Variants in ZNF536 observed in about 807,000 individuals in gnomAD.
ZNF536 encodes zinc finger protein 536.
In ZNF536, 13 loss-of-function variants were observed where a neutral mutation model predicts 84.5. The observed-to-expected ratio is 0.15, with a 90% CI of 0.10 to 0.24. The LOEUF is 0.24. Among genes scored for constraint, ZNF536 ranks in the 10% least tolerant of loss-of-function variants. The pLI is 1.00. For synonymous variants in ZNF536, 811 were observed against 742.5 expected, an observed-to-expected ratio of 1.09 and a Z score of -1.50; for missense variants, 1,536 against 1,747.5, an observed-to-expected ratio of 0.88 and a Z score of 2.16.
At chr19:30,328,521 T>C (rs569873175) in intron 2 of ZNF536, among the ~76,000 whole-genome samples, 1 of 152,312 alleles carries the variant, frequency 6.6e-6, no homozygotes, top group East Asian at 1.9e-4. Flanking sequence ...CTCTTAATAA[T>C]TGCGTATTCA....
chr19:30,374,732 G>A (rs1185884135), intron 1 of ZNF536, among the ~76,000 whole-genome samples: 1 of 151,480 alleles, frequency 6.6e-6, no homozygotes, highest in African/African-American at 2.4e-5. Context: ...GACCGTCTCT[G>A]CCCTCTCTCC....
upstream of ZNF536, among the ~76,000 whole-genome samples, chr19:30,226,872 C>T (rs559232970): frequency 6.6e-6 from 1 of 151,904 alleles, no homozygotes; most frequent in Non-Finnish European, 1.5e-5. The surrounding 1 kb of genome is among the most constrained non-coding windows in gnomAD (Gnocchi z 4.6). Flanking sequence ...AGATGCATGA[C>T]TGGGGTAGGA....
intron 1 of ZNF536, among the ~76,000 whole-genome samples, chr19:30,658,026 C>G (rs990399710): frequency 2.6e-5 from 4 of 151,572 alleles, no homozygotes; most frequent in East Asian, 1.9e-4. Context: ...ATTCCCCCCC[C>G]CCTTTTTTTT....
At chr19:30,531,468 G>A (rs2044816459) in intron 2 of ZNF536, among the ~76,000 whole-genome samples, 2 of 151,472 alleles carry the variant, frequency 1.3e-5, no homozygotes, top group South Asian at 4.2e-4. Flanking sequence ...TGAAGATTCA[G>A]GGGGTACATG....
intron 2 of ZNF536, among the ~76,000 whole-genome samples, chr19:30,477,701 G>T (rs1434370131): frequency 6.6e-6 from 1 of 152,212 alleles, no homozygotes; most frequent in East Asian, 1.9e-4. Context: ...ACTGTGCTTT[G>T]CTGAAGACAG....
intron 1 of ZNF536, among the ~76,000 whole-genome samples, chr19:30,704,580 G>C (rs186681129): frequency 1.3e-5 from 2 of 148,522 alleles, no homozygotes; most frequent in African/African-American, 5.0e-5. Context: ...CCGGGAGGCA[G>C]AGGTTGCAGT....
At position 30,411,324 on chromosome 19, in the gene ZNF536, G is replaced by GT. The variant is rs541797377; in HGVS notation, c.-2-32228dup. 5.8e-3 allele frequency among the ~76,000 whole-genome samples: 878 copies of GT among 150,828 alleles called. 12 individuals carry two copies. Among genetic ancestry groups the GT allele is most frequent in the African/African-American group, 0.02 (834 of 41,216 alleles). On this transcript the variant is annotated intron_variant, in intron 1 of 4. Transcript: ENST00000355537. ...CAATATATACAAATAAAGCTTTTTA[G>GT]TTTTTTTTTGCAATCTGATGCACCA... is the stretch of plus-strand genomic sequence containing the variant.
intron 2 of ZNF536, among the ~76,000 whole-genome samples, chr19:30,339,042 CGTAG>C (rs1673216784): frequency 6.6e-6 from 1 of 152,144 alleles, no homozygotes; most frequent in South Asian, 2.1e-4. Context: ...TGTAAAGTTC[CGTAG>C]CTAAGTAACC....
At chr19:30,473,564 T>C (rs2053727598) in intron 2 of ZNF536, among the ~76,000 whole-genome samples, 1 of 152,222 alleles carries the variant, frequency 6.6e-6, no homozygotes, top group Non-Finnish European at 1.5e-5. Context: ...GTTGCATGTA[T>C]TCTGTGTCAT....
At chr19:30,564,467 T>G (rs937851057) in intron 1 of ZNF536, among the ~76,000 whole-genome samples, 2 of 151,978 alleles carry the variant, frequency 1.3e-5, no homozygotes, top group African/African-American at 4.8e-5. Flanking sequence ...GCAGGGAACC[T>G]TTTCCGAAGC....
At position 30,264,968 on chromosome 19, in the gene ZNF536, A is replaced by T. The variant is rs4992903; in HGVS notation, c.-189-19104A>T. 5.4e-3 allele frequency among the ~76,000 whole-genome samples: 403 copies of T among 75,246 alleles called. 4 individuals carry two copies. Among genetic ancestry groups the T allele is most frequent in the African/African-American group, 0.017 (359 of 20,578 alleles). 49.4% of individuals were successfully genotyped at this position (75,246 alleles called of 152,430 possible). On this transcript the variant is annotated intron_variant, in intron 1 of 5. Coordinates refer to the ZNF536 transcript ENST00000585628. ...GTGTGTGTGTGTGTGTGTGTGTGTGAGAGAGAGAGAGAGAAAGAGAGATTC... is the reference window on the plus strand; with the variant it reads ...GTGTGTGTGTGTGTGTGTGTGTGTGTGAGAGAGAGAGAGAAAGAGAGATTC...
intron 2 of ZNF536, among the ~76,000 whole-genome samples, chr19:30,532,198 C>T (rs1273886247): frequency 6.6e-6 from 1 of 151,940 alleles, no homozygotes; most frequent in Non-Finnish European, 1.5e-5. Context: ...GGTGCGATCT[C>T]AGCTCACCGC....
intron 1 of ZNF536, among the ~76,000 whole-genome samples, chr19:30,616,013 C>T (rs2903475): frequency 0.86 from 131,615 of 152,194 alleles, 57,005 homozygotes; most frequent in East Asian, 0.98. Flanking sequence ...ACCACTGATT[C>T]TTGTATATTC....
intron 2 of ZNF536, among the ~76,000 whole-genome samples, chr19:30,515,023 G>A (rs2055575995): frequency 6.6e-6 from 1 of 152,144 alleles, no homozygotes; most frequent in Non-Finnish European, 1.5e-5. Flanking sequence ...CGAGATGGGA[G>A]GATCATTTGA....
At chr19:30,352,314 A>T (rs1453028404) in intron 2 of ZNF536, 1 of 152,186 alleles carries the variant, frequency 6.6e-6, no homozygotes, top group Non-Finnish European at 1.5e-5. Context: ...TGATTTGGTG[A>T]ATTTGTTACA....
chr19:30,499,901 C>T (rs187933462), intron 2 of ZNF536, among the ~76,000 whole-genome samples: 117 of 152,162 alleles, frequency 7.7e-4, no homozygotes, highest in Non-Finnish European at 1.4e-3. Context: ...CAGATGAGGA[C>T]GAAATGAAGT....
chr19:30,648,783 G>A (rs927219775), intron 1 of ZNF536, among the ~76,000 whole-genome samples: 1 of 152,116 alleles, frequency 6.6e-6, no homozygotes, highest in African/African-American at 2.4e-5. Context: ...TTTTTAATTG[G>A]GTCAAATAGC....
chr19:30,338,846 T>C (rs2047471750), intron 2 of ZNF536, among the ~76,000 whole-genome samples: 1 of 152,202 alleles, frequency 6.6e-6, no homozygotes, highest in African/African-American at 2.4e-5. Flanking sequence ...CTGTGCAATC[T>C]TGGGCATGCT....
At chr19:30,636,580 CCCAT>C (rs1217462884) in intron 1 of ZNF536, among the ~76,000 whole-genome samples, 9 of 152,282 alleles carry the variant, frequency 5.9e-5, no homozygotes, top group Non-Finnish European at 1.2e-4. Flanking sequence ...TCTGTTTAAA[CCCAT>C]TTTGCGATGT....
Sources: allele counts gnomAD v4.1 joint callset (sites outside exome capture counted in the v4.1 genomes callset), GRCh38; gene constraint gnomAD v4.1.1; non-coding constraint Gnocchi (gnomAD v3.1); transcripts MANE v1.5; gene names NCBI Gene and HGNC (gene_info 2026-07-23, HGNC 2026-07-21).